The following SLC8A1 variants were observed in gnomAD, a reference collection of about 807,000 sequenced individuals.
The protein encoded by SLC8A1 is sodium/calcium exchanger 1.
In SLC8A1, 18 loss-of-function variants were observed where a neutral mutation model predicts 68.3. The observed-to-expected ratio is 0.26, with a 90% CI of 0.18 to 0.39. The LOEUF (loss-of-function observed/expected upper bound fraction) is 0.39, where lower values mean the gene tolerates loss of function less well. Ranked by LOEUF, SLC8A1 falls within the 10% of genes least tolerant of loss-of-function variation. SLC8A1 has a pLI of 1.00. For missense variants in SLC8A1, 985 were observed against 1,156.7 expected, an observed-to-expected ratio of 0.85 and a Z score of 2.15; for synonymous variants, 475 against 415.5, an observed-to-expected ratio of 1.14 and a Z score of -1.74.
chr2:40,325,535 G>A (rs1456906472), intron 2 of SLC8A1, among the ~76,000 whole-genome samples: 1 of 152,044 alleles, frequency 6.6e-6, no homozygotes, highest in Non-Finnish European at 1.5e-5. Flanking sequence ...GTATCTCATT[G>A]TTATATTACA....
chr2:40,469,271 G>A (rs1466951999), intron 1 of SLC8A1, among the ~76,000 whole-genome samples: 6 of 152,126 alleles, frequency 3.9e-5, no homozygotes, highest in Non-Finnish European at 8.8e-5. Context: ...GAGGCCTGGT[G>A]GGAGGTGATT....
intron 2 of SLC8A1, among the ~76,000 whole-genome samples, chr2:40,236,970 G>C (rs13035563): frequency 0.16 from 24,822 of 151,974 alleles, 2,668 homozygotes; most frequent in African/African-American, 0.29. Flanking sequence ...CGAGAGATCC[G>C]CTGTTAGTCT....
chr2:40,100,109 C>T (rs916237669), exon 8 of SLC8A1: 5 of 152,044 alleles, frequency 3.3e-5, no homozygotes, highest in African/African-American at 7.2e-5. Context: ...CACTGACCTA[C>T]GAAAACCACC....
chr2:40,482,575 G>T (rs1704699428), intron 1 of SLC8A1, among the ~76,000 whole-genome samples: 1 of 151,914 alleles, frequency 6.6e-6, no homozygotes, highest in South Asian at 2.1e-4. Context: ...TATTTTATGG[G>T]ATGAAGAAAC....
At chr2:40,193,359 T>G (rs1310012875) in intron 2 of SLC8A1, among the ~76,000 whole-genome samples, 2 of 152,076 alleles carry the variant, frequency 1.3e-5, no homozygotes, top group Admixed American at 1.3e-4. Context: ...CATTAGGCAT[T>G]GGGGATAAAA....
chr2:40,217,802 A>G (rs902577348), intron 2 of SLC8A1, among the ~76,000 whole-genome samples: 1 of 152,246 alleles, frequency 6.6e-6, no homozygotes, highest in Non-Finnish European at 1.5e-5. Context: ...AAGCAGTTAC[A>G]TAACTTAATT....
chr2:40,179,592 G>A (rs1010354401), intron 2 of SLC8A1, among the ~76,000 whole-genome samples: 3 of 152,102 alleles, frequency 2.0e-5, no homozygotes, highest in Non-Finnish European at 4.4e-5. Flanking sequence ...CAGTAACATT[G>A]GCCAAGTACA....
chr2:40,173,725 G>T (rs1039659552), intron 4 of SLC8A1, among the ~76,000 whole-genome samples: 2 of 146,806 alleles, frequency 1.4e-5, no homozygotes, highest in African/African-American at 5.0e-5. Context: ...TCAAAATTTT[G>T]ATATCTGCAC....
intron 2 of SLC8A1, among the ~76,000 whole-genome samples, chr2:40,237,895 G>A (rs984941737): frequency 7.2e-5 from 11 of 151,874 alleles, no homozygotes; most frequent in Non-Finnish European, 1.3e-4. Context: ...CTGCTGGGGG[G>A]TGCCTCCCAG....
At chr2:40,450,736 GGA>G (rs755767634) in intron 1 of SLC8A1, among the ~76,000 whole-genome samples, 3 of 152,068 alleles carry the variant, frequency 2.0e-5, no homozygotes, top group Non-Finnish European at 2.9e-5. Flanking sequence ...CTGACTAGCA[GGA>G]GAGAGAGAGA....
intron 6 of SLC8A1, among the ~76,000 whole-genome samples, chr2:40,152,521 CAGCCTCCCT>C (rs2043624993): frequency 6.6e-6 from 1 of 152,052 alleles, no homozygotes; most frequent in Non-Finnish European, 1.5e-5. Flanking sequence ...TCTTGTGCTT[CAGCCTCCCT>C]AGCGGCTGGG....
intron 2 of SLC8A1, 121 bp from the exon 3 acceptor site, chr2:40,178,614 TCTGTA>T: frequency 3.8e-6 from 3 of 791,406 alleles, no homozygotes; most frequent in East Asian, 2.6e-5. Flanking sequence ...TCGAGAAACT[TCTGTA>T]CTGTGAGTTT....
chr2:40,174,022 A>G (rs1452905140), intron 4 of SLC8A1, among the ~76,000 whole-genome samples: 2 of 152,168 alleles, frequency 1.3e-5, no homozygotes, highest in Admixed American at 1.3e-4. Flanking sequence ...CTAAATTTAA[A>G]TGTTTGAAAC....
At chr2:40,220,697 T>A (rs2058197090) in intron 2 of SLC8A1, among the ~76,000 whole-genome samples, 1 of 151,782 alleles carries the variant, frequency 6.6e-6, no homozygotes, top group African/African-American at 2.4e-5. Flanking sequence ...AAAAGTCTTC[T>A]TGGCTTGGAG....
intron 7 of SLC8A1, among the ~76,000 whole-genome samples, chr2:40,133,420 A>G (rs1256847247): frequency 6.6e-6 from 1 of 151,636 alleles, no homozygotes; most frequent in Non-Finnish European, 1.5e-5. Flanking sequence ...AACCAAAACC[A>G]TCTATTTCCT....
intron 2 of SLC8A1, among the ~76,000 whole-genome samples, chr2:40,211,669 A>C (rs1032673080): frequency 6.6e-6 from 1 of 152,184 alleles, no homozygotes; most frequent in African/African-American, 2.4e-5. Flanking sequence ...AAGGTATTTC[A>C]AATGGTTTGG....
intron 2 of SLC8A1, among the ~76,000 whole-genome samples, chr2:40,390,617 T>G (rs1684959822): frequency 6.6e-6 from 1 of 152,098 alleles, no homozygotes; most frequent in African/African-American, 2.4e-5. Context: ...CCCCCTCAAC[T>G]TGAGGAACCA....
intron 2 of SLC8A1, among the ~76,000 whole-genome samples, chr2:40,370,314 C>A (rs1677619240): frequency 6.6e-6 from 1 of 152,178 alleles, no homozygotes; most frequent in South Asian, 2.1e-4. Flanking sequence ...ACACCAGAAC[C>A]CTAGGGAATC....
chr2:40,104,217 C>A (rs2034063951), exon 8 of SLC8A1: 1 of 152,150 alleles, frequency 6.6e-6, no homozygotes, highest in African/African-American at 2.4e-5. Flanking sequence ...AGTTGTAACT[C>A]ACTGAAATAG....
Sources: gnomAD v4.1 joint callset for allele counts (sites outside exome capture counted in the v4.1 genomes callset) on GRCh38, gnomAD v4.1.1 for gene constraint, MANE v1.5 for transcripts, NCBI Gene and HGNC (gene_info 2026-07-23, HGNC 2026-07-21) for gene names.